The following SPATS2L variants were observed in gnomAD, a reference collection of about 807,000 sequenced individuals.
SPATS2L encodes SPATS2-like protein.
SPATS2L carries 30 observed loss-of-function variants against 59.6 expected under a neutral mutation model. That is an observed-to-expected ratio of 0.50 (90% CI 0.38 to 0.68). The LOEUF is 0.68. Among genes scored for constraint, SPATS2L ranks in the 30% least tolerant of loss-of-function variants. SPATS2L has a pLI of 0.00. For missense variants in SPATS2L, 615 were observed against 700.0 expected, an observed-to-expected ratio of 0.88 and a Z score of 1.37; for synonymous variants, 252 against 263.5, an observed-to-expected ratio of 0.96 and a Z score of 0.42.
At chr2:200,386,750 T>G (rs140343338) in intron 2 of SPATS2L, among the ~76,000 whole-genome samples, 219 of 152,356 alleles carry the variant, frequency 1.4e-3, no homozygotes, top group Admixed American at 3.1e-3. Flanking sequence ...GCTCACAGAT[T>G]CATTCTTAAT....
chr2:200,319,418 A>T (rs920631031), intron 1 of SPATS2L, among the ~76,000 whole-genome samples: 3 of 152,110 alleles, frequency 2.0e-5, no homozygotes, highest in Non-Finnish European at 4.4e-5. Flanking sequence ...TACAAAAATT[A>T]GCTGAGCATG....
chr2:200,357,798 G>T (rs529387577), intron 2 of SPATS2L, among the ~76,000 whole-genome samples: 1 of 152,116 alleles, frequency 6.6e-6, no homozygotes, highest in African/African-American at 2.4e-5. Context: ...TAAAGTCTTC[G>T]TAGTTAATTT....
intron 2 of SPATS2L, among the ~76,000 whole-genome samples, chr2:200,361,362 G>T (rs189321981): frequency 2.0e-5 from 3 of 152,106 alleles, no homozygotes; most frequent in Admixed American, 6.5e-5. Flanking sequence ...CTGGATGAGG[G>T]ACCTTGTTGA....
In SPATS2L at chr2:200,434,544, A is replaced by G. The variant is rs141546573; in HGVS notation, c.446-4578A>G. ...AGCCAGGTCGCTAGATATAAGTTCA[A>G]TATATTAAAAAGCATTTGTATTCCT... On this transcript the variant is annotated intron_variant, in intron 6 of 12. Coordinates refer to ENST00000409140, the MANE Select transcript of SPATS2L (RefSeq NM_001100423.2). Among the ~76,000 whole-genome samples the G allele has an allele frequency of 1.2e-3, 181 of 152,254 alleles. 1 individual carries two copies. The highest frequency in any genetic ancestry group is 3.8e-4 in the Non-Finnish European group (26 of 67,962).
intron 1 of SPATS2L, among the ~76,000 whole-genome samples, chr2:200,325,579 A>G (rs2079710015): frequency 6.6e-6 from 1 of 152,004 alleles, no homozygotes; most frequent in South Asian, 2.1e-4. Context: ...GGGTTTCATC[A>G]TGTTGGCCAG....
chr2:200,339,154 T>C (rs992005873), intron 2 of SPATS2L, among the ~76,000 whole-genome samples: 2 of 152,238 alleles, frequency 1.3e-5, no homozygotes, highest in South Asian at 2.1e-4. Flanking sequence ...CATGTTATTA[T>C]TGTATATAGG....
At chr2:200,444,717 G>A (rs2084918301) in intron 8 of SPATS2L, among the ~76,000 whole-genome samples, 3 of 151,966 alleles carry the variant, frequency 2.0e-5, no homozygotes, top group African/African-American at 7.3e-5. Context: ...TCAGCTCCCC[G>A]CACCCTGAGC....
chr2:200,473,728 A>C (rs1316486848), intron 12 of SPATS2L, among the ~76,000 whole-genome samples: 4 of 152,174 alleles, frequency 2.6e-5, no homozygotes, highest in Non-Finnish European at 5.9e-5. Context: ...TGCCGGATGC[A>C]ATGGCTCACT....
At chr2:200,447,559 A>C (rs757521730) in intron 8 of SPATS2L, among the ~76,000 whole-genome samples, 3 of 152,230 alleles carry the variant, frequency 2.0e-5, no homozygotes, top group Non-Finnish European at 2.9e-5. Context: ...CTGTGACAAC[A>C]AGCAAATTTG....
chr2:200,373,553 A>T (rs2081502828), intron 2 of SPATS2L, among the ~76,000 whole-genome samples: 1 of 152,208 alleles, frequency 6.6e-6, no homozygotes. Context: ...AACAAACAAG[A>T]GTGTCTTTTC....
chr2:200,408,643 G>T (rs562767855), intron 3 of SPATS2L, among the ~76,000 whole-genome samples: 2 of 152,274 alleles, frequency 1.3e-5, no homozygotes, highest in South Asian at 4.1e-4. Context: ...ATCTGTTAAC[G>T]GCTCTTAACC....
At chr2:200,471,128 T>C (rs2086997907) in intron 11 of SPATS2L, among the ~76,000 whole-genome samples, 1 of 152,094 alleles carries the variant, frequency 6.6e-6, no homozygotes, top group Non-Finnish European at 1.5e-5. Flanking sequence ...ATCGCACCAC[T>C]GCACTCCAGC....
intron 2 of SPATS2L, among the ~76,000 whole-genome samples, chr2:200,356,443 C>T (rs2080916844): frequency 2.0e-5 from 3 of 151,870 alleles, no homozygotes; most frequent in South Asian, 4.2e-4. Flanking sequence ...AAAAATGGTT[C>T]CAAGAAAAAA....
chr2:200,416,848 G>C (rs1436198688), intron 5 of SPATS2L, among the ~76,000 whole-genome samples: 1 of 152,094 alleles, frequency 6.6e-6, no homozygotes, highest in Non-Finnish European at 1.5e-5. Flanking sequence ...TCTGTCCAAG[G>C]CTGCCCTGAG....
intron 10 of SPATS2L, 113 bp from the exon 11 acceptor site, chr2:200,469,801 C>A: frequency 1.3e-6 from 1 of 761,944 alleles, no homozygotes; most frequent in Non-Finnish European, 2.1e-6. Flanking sequence ...GGAAAGATCC[C>A]CACCAGGTCA....
chr2:200,470,081 T>C (rs2086907858), intron 11 of SPATS2L, 65 bp downstream of exon 11: 1 of 1,363,506 alleles, frequency 7.3e-7, no homozygotes, highest in South Asian at 1.3e-5. Context: ...GGAGTTGCTA[T>C]TGGAAATGTC....
intron 8 of SPATS2L, among the ~76,000 whole-genome samples, chr2:200,459,217 AAATGCT>A (rs1179311013): frequency 6.6e-6 from 1 of 152,226 alleles, no homozygotes; most frequent in African/African-American, 2.4e-5. Flanking sequence ...TAGAACCTTG[AAATGCT>A]TACTCGGGAG....
intron 1 of SPATS2L, among the ~76,000 whole-genome samples, chr2:200,317,703 T>A (rs1392898817): frequency 1.3e-5 from 2 of 152,242 alleles, no homozygotes; most frequent in African/African-American, 4.8e-5. Flanking sequence ...AAAAAAGGCA[T>A]GTTTACATCC....
chr2:200,380,931 C>G (rs2081788003), intron 2 of SPATS2L, among the ~76,000 whole-genome samples: 1 of 152,138 alleles, frequency 6.6e-6, no homozygotes, highest in African/African-American at 2.4e-5. Flanking sequence ...CGACTTTCCT[C>G]TAAGGAACAA....
Sources: gnomAD v4.1 joint callset for allele counts (sites outside exome capture counted in the v4.1 genomes callset) on GRCh38, gnomAD v4.1.1 for gene constraint, MANE v1.5 for transcripts, NCBI Gene and HGNC (gene_info 2026-07-23, HGNC 2026-07-21) for gene names.